The following CAMK2A variants were observed in gnomAD, a reference collection of about 807,000 sequenced individuals.
The protein encoded by CAMK2A is calcium/calmodulin-dependent protein kinase type II subunit alpha.
In CAMK2A, 7 loss-of-function variants were observed where a neutral mutation model predicts 79.2. The ratio of observed to expected loss-of-function variants is 0.09; its 90% CI spans 0.05 to 0.17. CAMK2A has a LOEUF of 0.17. Among genes scored for constraint, CAMK2A ranks in the 10% least tolerant of loss-of-function variants. The pLI is 1.00. For missense variants in CAMK2A, 214 were observed against 646.4 expected (o/e 0.33, Z 7.25); for synonymous variants, 242 against 251.7 (o/e 0.96, Z 0.36).
At chr5:150,288,980 C>A (rs1757550832) in intron 1 of CAMK2A, among the ~76,000 whole-genome samples, 1 of 152,200 alleles carries the variant, frequency 6.6e-6, no homozygotes, top group Non-Finnish European at 1.5e-5. Context: ...CCCGGGAAGC[C>A]TGTCATGCTC....
chr5:150,272,598 G>C (rs1756796922), intron 2 of CAMK2A, among the ~76,000 whole-genome samples: 2 of 151,602 alleles, frequency 1.3e-5, no homozygotes, highest in Admixed American at 6.6e-5. Context: ...GAGAGAGAGA[G>C]AGACAGAAAA....
intron 1 of CAMK2A, among the ~76,000 whole-genome samples, chr5:150,275,389 T>C (rs1290918258): frequency 2.0e-5 from 3 of 152,090 alleles, no homozygotes; most frequent in African/African-American, 7.2e-5. Flanking sequence ...GGGTTTTTTT[T>C]CACACCAACT....
chr5:150,222,825 G>C, intron 18 of CAMK2A, 112 bp from the exon 19 acceptor site: 2 of 1,447,486 alleles, frequency 1.4e-6, no homozygotes, highest in Admixed American at 1.7e-5. Context: ...CTCCTGCCCA[G>C]CTCTTCCCCC....
At chr5:150,266,629 G>A (rs1020664869) in intron 2 of CAMK2A, among the ~76,000 whole-genome samples, 8 of 152,028 alleles carry the variant, frequency 5.3e-5, no homozygotes, top group Non-Finnish European at 7.4e-5. Flanking sequence ...AGTCAATCCC[G>A]CAGTGAGCAG....
intron 17 of CAMK2A, among the ~76,000 whole-genome samples, chr5:150,226,016 G>T (rs1200786221): frequency 1.3e-5 from 2 of 152,164 alleles, no homozygotes; most frequent in Non-Finnish European, 2.9e-5. Flanking sequence ...AAAGTCCTGG[G>T]ATTACAGGCG....
In CAMK2A at chr5:150,286,914, G is replaced by A. The variant is rs1185842743; in HGVS notation, c.62+2650C>T. Among the ~76,000 whole-genome samples the A allele has an allele frequency of 6.6e-5, 10 of 152,338 alleles. No homozygotes were observed. In the East Asian group the frequency reaches 9.6e-4, roughly 15 times the overall value. On this transcript the variant is annotated intron_variant, in intron 1 of 18. Coordinates refer to ENST00000671881, the MANE Select transcript of CAMK2A (RefSeq NM_015981.4). ...TGGGGGCCTGTCATGTGCCAGGCTC[G>A]AGGCTGCATCTCTACATGCACCATC...
chr5:150,265,222 A>G lies in CAMK2A; in HGVS notation c.158-207T>C, dbSNP rs568757396. ...GAAGAGGCCTGGGTTGCAGTGACTC[A>G]AGCACATCCCTCGCCCTCTCTGGCC... On this transcript the variant is annotated intron_variant, in intron 2 of 18. Coordinates refer to ENST00000671881, the MANE Select transcript of CAMK2A (RefSeq NM_015981.4). 8 of 561,228 alleles carry G rather than the reference A, an allele frequency of 1.4e-5. No homozygotes were observed. The East Asian group carries it at 2.5e-4, about 17-fold the overall frequency. 34.8% of individuals were successfully genotyped at this position (561,228 alleles called of 1,614,324 possible). A position where few individuals can be genotyped will look rare whatever the true frequency, so the allele number is the denominator to read the frequency against.
At chr5:150,280,044 T>C (rs1409866428) in intron 1 of CAMK2A, among the ~76,000 whole-genome samples, 6 of 152,218 alleles carry the variant, frequency 3.9e-5, no homozygotes, top group Non-Finnish European at 7.3e-5. Flanking sequence ...GGCTACCAGC[T>C]TGCTTACTCT....
At chr5:150,239,109 AAGAG>A (rs146866317) in intron 14 of CAMK2A, among the ~76,000 whole-genome samples, 1 of 151,478 alleles carries the variant, frequency 6.6e-6, no homozygotes, top group African/African-American at 2.4e-5. Flanking sequence ...GCAGGGGAGG[AAGAG>A]AGAGAGAGGG....
Position 150,251,822 on chromosome 5 carries a change from C to A in CAMK2A, c.621G>T (p.Leu207=). 1 of 1,606,670 alleles carries A rather than the reference C, an allele frequency of 6.2e-7. No homozygotes were observed. Among genetic ancestry groups the A allele is most frequent in the Non-Finnish European group, 8.5e-7 (1 of 1,176,444 alleles). ...WACGVILYIL[L]VGYPPFWDED... is the part of the protein sequence containing the mutation. ...CATCCCAGAACGGGGGGTACCCAAC[C>A]AGCAGGATGTACAGGATGACCCCTG... The change falls in exon 9 of 19, where the codon CTG becomes CTT. Residue 207 remains leucine (L), a synonymous_variant. Coordinates refer to ENST00000671881, the MANE Select transcript of CAMK2A (RefSeq NM_015981.4).
At chr5:150,248,540 G>GTGTTCTCATTGTTCA (rs1458199145) in intron 11 of CAMK2A, among the ~76,000 whole-genome samples, 2 of 129,682 alleles carry the variant, frequency 1.5e-5, no homozygotes, top group African/African-American at 6.0e-5. Context: ...CTGTGTCCAA[G>GTGTTCTCATTGTTCA]TGTTCTCATT....
Position 150,222,182 on chromosome 5 carries a change from C to CT in CAMK2A, c.*527dup. ...AGGAGGAAGAAGACTTAGGGGAGCA[C>CT]TTTGAGGCAGGAGGCTCCTGGCGTA... On this transcript the variant is annotated 3_prime_UTR_variant, in exon 19 of 19. Transcript: ENST00000671881. 1 of 371,994 alleles carries CT rather than the reference C, an allele frequency of 2.7e-6. No homozygotes were observed. Among genetic ancestry groups the CT allele is most frequent in the South Asian group, 3.1e-5 (1 of 32,710 alleles). 23.0% of individuals were successfully genotyped at this position (371,994 alleles called of 1,614,324 possible).
intron 1 of CAMK2A, among the ~76,000 whole-genome samples, chr5:150,282,262 A>C (rs1248139378): frequency 6.6e-6 from 1 of 152,230 alleles, no homozygotes; most frequent in African/African-American, 2.4e-5. Context: ...GGGACACAGA[A>C]GGGCTAGGAA....
chr5:150,246,507 G>A (rs1161197529), intron 12 of CAMK2A, among the ~76,000 whole-genome samples: 1 of 152,148 alleles, frequency 6.6e-6, no homozygotes, highest in Non-Finnish European at 1.5e-5. Context: ...TTAAGTGTTA[G>A]AAACTCATTC....
At position 150,256,831 on chromosome 5, in the gene CAMK2A, C is replaced by G. The variant is rs1440498015; in HGVS notation, c.273G>C (p.Leu91=). 6 of 1,613,336 alleles carry G rather than the reference C, an allele frequency of 3.7e-6. No homozygotes were observed. Among genetic ancestry groups the G allele is most frequent in the Non-Finnish European group, 5.1e-6 (6 of 1,179,368 alleles). ...CTTCAAACAGTTCCCCACCAGTGACCCTGGGGAGACAGGCATGGAATCACC... is the reference window on the plus strand; with the variant it reads ...CTTCAAACAGTTCCCCACCAGTGACGCTGGGGAGACAGGCATGGAATCACC... ...EEGHHYLIFD[L]VTGGELFEDI... The change falls in exon 5 of 19, where the codon CTG becomes CTC. Residue 91 remains leucine, a splice_region_variant and synonymous_variant. Transcript: ENST00000671881. This position sits in a 1 kb window ranked among gnomAD's most constrained non-coding sequence, Gnocchi z 4.6.
chr5:150,260,850 C>A (rs182813970), intron 3 of CAMK2A, among the ~76,000 whole-genome samples: 3 of 152,346 alleles, frequency 2.0e-5, no homozygotes, highest in African/African-American at 4.8e-5. Flanking sequence ...TCTTCCCTCT[C>A]CCTGCCTTCC....
chr5:150,239,549 C>T lies in CAMK2A; in HGVS notation c.1017+155G>A, dbSNP rs1755247307. Among the ~76,000 whole-genome samples the T allele has an allele frequency of 2.0e-5, 3 of 152,178 alleles. No homozygotes were observed. The South Asian group carries it at 6.2e-4, about 31-fold the overall frequency. On this transcript the variant is annotated intron_variant, in intron 14 of 18. Transcript: ENST00000671881. ...CAGAAACACGCAAACAACACACACA[C>T]ACAACACACATATTGTCACACAAGG...
chr5:150,289,076 G>A (rs1458096552), intron 1 of CAMK2A, among the ~76,000 whole-genome samples: 1 of 152,184 alleles, frequency 6.6e-6, no homozygotes, highest in Non-Finnish European at 1.5e-5. Flanking sequence ...TGGCCACTCT[G>A]TACAGTCACT....
Position 150,256,668 on chromosome 5 carries a change from G to C in CAMK2A, c.339-23C>G, listed in dbSNP as rs1269023358. 1 of 1,611,946 alleles carries C rather than the reference G, an allele frequency of 6.2e-7. No homozygotes were observed. The highest frequency in any genetic ancestry group is 1.3e-5 in the African/African-American group (1 of 74,866). On this transcript the variant is annotated intron_variant, in intron 5 of 18. Coordinates refer to ENST00000671881, the MANE Select transcript of CAMK2A (RefSeq NM_015981.4). This position sits in a 1 kb window ranked among gnomAD's most constrained non-coding sequence, Gnocchi z 4.6. ...TGACTAGGGAGAGAGAGAGGAAGGG[G>C]TCATGGTGGTGTGAGCACAGGCCTC...
Sources: allele counts gnomAD v4.1 joint callset (sites outside exome capture counted in the v4.1 genomes callset), GRCh38; gene constraint gnomAD v4.1.1; non-coding constraint Gnocchi (gnomAD v3.1); transcripts MANE v1.5; gene names NCBI Gene and HGNC (gene_info 2026-07-23, HGNC 2026-07-21).